PSG11: variants seen among roughly 807,000 people sequenced by gnomAD.
PSG11 encodes pregnancy-specific beta-1-glycoprotein 11.
Under a neutral mutation model 36.0 loss-of-function variants are expected in PSG11, and 42 were observed. The observed-to-expected ratio is 1.17, with a 90% CI of 0.91 to 1.51. The LOEUF (loss-of-function observed/expected upper bound fraction) is 1.51, where lower values mean the gene tolerates loss of function less well. Among genes scored for constraint, PSG11 ranks in the 40% most tolerant of loss-of-function variants. PSG11 has a pLI of 0.00. For missense variants in PSG11, 558 were observed against 403.5 expected (o/e 1.38, Z -3.28); for synonymous variants, 206 against 153.5 (o/e 1.34, Z -2.53).
Position 43,015,312 on chromosome 19 carries a change from G to A in PSG11, c.768C>T (p.Asn256=), listed in dbSNP as rs929890852. ...PSVTSYYSGE[N]LDLSCFANSN... is the part of the protein sequence containing the mutation. ...AGTTTGCGAAGCAGGACAAGTCGAG[G>A]TTCTCTCCTGAATAGTAAGAGGTGA... Residue 256 remains asparagine (N), a synonymous_variant, in exon 4 of 6, where the codon AAC becomes AAT. Coordinates refer to ENST00000320078, the MANE Select transcript of PSG11 (RefSeq NM_002785.3). 2 of 1,610,058 alleles carry A rather than the reference G, an allele frequency of 1.2e-6. No homozygotes were observed. The highest frequency in any genetic ancestry group is 1.1e-5 in the South Asian group (1 of 90,792).
intron 2 of PSG11, among the ~76,000 whole-genome samples, chr19:43,021,338 A>G (rs1967096855): frequency 6.6e-6 from 1 of 151,224 alleles, no homozygotes; most frequent in Admixed American, 6.6e-5. Flanking sequence ...CATCAAAAGA[A>G]TTCTTCATTT....
intron 3 of PSG11, chr19:43,017,386 A>C (rs1966993840): frequency 1.3e-5 from 2 of 151,446 alleles, no homozygotes; most frequent in East Asian, 3.9e-4. Context: ...TGATAAGCCA[A>C]ATATATTCTT....
chr19:43,015,800 T>G lies in PSG11; in HGVS notation c.710-430A>C, dbSNP rs766319485. 17 of 1,610,402 alleles carry G rather than the reference T, an allele frequency of 1.1e-5. 2 individuals are homozygous for G. In the South Asian group the frequency reaches 1.3e-4, roughly 13 times the overall value. Reference sequence around the variant, plus strand: ...TTCAGGGTGACTGAGTCACTGCGGATGCCACCATATCGGTCCCGTATTTCA... The same window carrying G: ...TTCAGGGTGACTGAGTCACTGCGGAGGCCACCATATCGGTCCCGTATTTCA... On this transcript the variant is annotated intron_variant, in intron 3 of 5. Transcript: ENST00000320078.
At chr19:43,021,113 C>T (rs1254964939) in intron 2 of PSG11, among the ~76,000 whole-genome samples, 1 of 151,414 alleles carries the variant, frequency 6.6e-6, no homozygotes, top group Non-Finnish European at 1.5e-5. Context: ...CAGTATTCCT[C>T]TTAAGTATGT....
chr19:43,014,545 T>G, intron 4 of PSG11: 13 of 986,952 alleles, frequency 1.3e-5, no homozygotes, highest in Non-Finnish European at 1.6e-5. Flanking sequence ...TTAGCCAAAT[T>G]CAGGACAGGC....
At chr19:43,021,844 G>T (rs1395311913) in intron 2 of PSG11, among the ~76,000 whole-genome samples, 1 of 151,294 alleles carries the variant, frequency 6.6e-6, no homozygotes, top group Non-Finnish European at 1.5e-5. Flanking sequence ...TGAGCTCATG[G>T]GCTTTGGAGA....
chr19:43,016,226 C>T (rs1467726905), intron 3 of PSG11, among the ~76,000 whole-genome samples: 2 of 151,336 alleles, frequency 1.3e-5, no homozygotes, highest in Admixed American at 6.6e-5. Context: ...ACTGTGAGGC[C>T]GCCTGCTTCA....
At chr19:43,012,139 A>C (rs1463737323) in intron 4 of PSG11, among the ~76,000 whole-genome samples, 1 of 151,324 alleles carries the variant, frequency 6.6e-6, no homozygotes, top group African/African-American at 2.4e-5. Flanking sequence ...CTAAGAATGG[A>C]AGGAAACCAC....
chr19:43,011,101 G>A (rs1223220594), intron 4 of PSG11, among the ~76,000 whole-genome samples: 1 of 150,944 alleles, frequency 6.6e-6, no homozygotes, highest in Non-Finnish European at 1.5e-5. Context: ...CTAGTGACAG[G>A]TGGATCTGAG....
At chr19:43,020,745 A>G (rs1185109890) in intron 2 of PSG11, among the ~76,000 whole-genome samples, 1 of 151,268 alleles carries the variant, frequency 6.6e-6, no homozygotes, top group Non-Finnish European at 1.5e-5. Context: ...TGCATCAATT[A>G]CATAAAAGGA....
chr19:43,009,667 G>A (rs1974022991), intron 5 of PSG11, among the ~76,000 whole-genome samples: 1 of 151,394 alleles, frequency 6.6e-6, no homozygotes, highest in African/African-American at 2.4e-5. Context: ...TTACACTATT[G>A]AGATATGTTA....
rs1058085 is a variant in PSG11, at chr19:43,018,953, C to A, written c.526G>T (p.Ala176Ser). ...CCATTCATCCACCACAGGTAGCTTGCGTCCGGAGTCTCAGGATTACAGGTT... is the reference window on the plus strand; with the variant it reads ...CCATTCATCCACCACAGGTAGCTTGAGTCCGGAGTCTCAGGATTACAGGTT... Reference protein sequence around the residue: ...ILTCNPETPDASYLWWMNGQS... With the variant: ...ILTCNPETPDSSYLWWMNGQS... The change falls in exon 3 of 6, where the codon GCA (alanine) becomes TCA (serine). Residue 176 changes from alanine (A) to serine (S), a missense_variant. Transcript: ENST00000320078. 3.4e-5 allele frequency: 55 copies of A among 1,612,088 alleles called. 3 individuals carry two copies. In the African/African-American group the frequency reaches 6.8e-4, roughly 20 times the overall value.
rs374239707 is a variant in PSG11, at chr19:43,009,956, A to T, written c.*40+2T>A. On this transcript the variant is annotated splice_donor_variant, in intron 5 of 5. Coordinates refer to ENST00000320078, the MANE Select transcript of PSG11 (RefSeq NM_002785.3). LOFTEE classifies it low-confidence loss of function (3UTR_SPLICE). ...CCAGGATAAGAGAAAAGGTCATCAT[A>T]CCTGCCAGTCTTCCTGAAATACAAA... 6.4e-7 allele frequency: 1 copy of T among 1,571,272 alleles called. No homozygotes were observed. The highest frequency in any genetic ancestry group is 1.1e-5 in the South Asian group (1 of 89,816).
intron 3 of PSG11, chr19:43,017,204 C>A (rs952875504): frequency 2.0e-5 from 3 of 151,470 alleles, no homozygotes; most frequent in African/African-American, 7.3e-5. Flanking sequence ...CAGATTATTT[C>A]TTATGCATAA....
Position 43,019,663 on chromosome 19 carries a change from C to G in PSG11, c.431-615G>C, listed in dbSNP as rs181775731. 240 of 156,158 alleles carry G rather than the reference C, an allele frequency of 1.5e-3. 11 individuals are homozygous for G. Among genetic ancestry groups the G allele is most frequent in the Non-Finnish European group, 2.3e-3 (160 of 70,552 alleles). 9.7% of individuals were successfully genotyped at this position (156,158 alleles called of 1,614,324 possible). A position where few individuals can be genotyped will look rare whatever the true frequency, so the allele number is the denominator to read the frequency against. On this transcript the variant is annotated intron_variant, in intron 2 of 5. Coordinates refer to ENST00000320078, the MANE Select transcript of PSG11 (RefSeq NM_002785.3). ...AGTTTTCCCAGGTGTCTCATAGTGA[C>G]TGACTTGAGCCAGTGACCTCTAAAG...
chr19:43,024,997 G>T lies in PSG11; in HGVS notation c.124C>A (p.Pro42Thr). ...TTAQVMIEAQPPKVSEGKDVL... is the reference protein window; with the variant it reads ...TTAQVMIEAQTPKVSEGKDVL... ...TCCTTCCCCTCGGACACTTTGGGTG[G>T]CTGGGCTTCAATCATGACTTGGGCA... is the stretch of plus-strand genomic sequence containing the variant. The change falls in exon 2 of 6, where the codon CCA becomes ACA. Residue 42 changes from proline to threonine, a missense_variant. Pro to Thr is a conservative substitution (Grantham distance 38). Coordinates refer to ENST00000320078, the MANE Select transcript of PSG11 (RefSeq NM_002785.3). 1 of 1,611,166 alleles carries T rather than the reference G, an allele frequency of 6.2e-7. No homozygotes were observed. The highest frequency in any genetic ancestry group is 8.5e-7 in the Non-Finnish European group (1 of 1,178,522).
chr19:43,026,180 A>G, intron 1 of PSG11, 129 bp downstream of exon 1: 2 of 1,407,372 alleles, frequency 1.4e-6, no homozygotes, highest in Non-Finnish European at 1.9e-6. Flanking sequence ...TGATCTCGTG[A>G]TCCACCCACC....
At chr19:43,023,004 CAGAG>C (rs577406061) in intron 2 of PSG11, among the ~76,000 whole-genome samples, 2 of 149,942 alleles carry the variant, frequency 1.3e-5, no homozygotes, top group Non-Finnish European at 1.5e-5. Context: ...CACAGAGAAG[CAGAG>C]AGAGGCAGAG....
At chr19:43,008,795 C>G (rs1026184233) in intron 5 of PSG11, among the ~76,000 whole-genome samples, 1 of 151,252 alleles carries the variant, frequency 6.6e-6, no homozygotes, top group African/African-American at 2.4e-5. Context: ...GAAAAAGATC[C>G]TTAGGTAATT....
Sources: gnomAD v4.1 joint callset for allele counts (sites outside exome capture counted in the v4.1 genomes callset) on GRCh38, gnomAD v4.1.1 for gene constraint, MANE v1.5 for transcripts, NCBI Gene and HGNC (gene_info 2026-07-23, HGNC 2026-07-21) for gene names.